THSD7B: variants seen among roughly 807,000 people sequenced by gnomAD.
The protein encoded by THSD7B is thrombospondin type 1 domain containing 7B.
THSD7B carries 138 observed loss-of-function variants against 213.6 expected under a neutral mutation model. The observed-to-expected ratio is 0.65, with a 90% CI of 0.56 to 0.74. The LOEUF (loss-of-function observed/expected upper bound fraction) is 0.74. Among genes scored for constraint, THSD7B ranks in the 30% least tolerant of loss-of-function variants. The probability of loss-of-function intolerance (pLI) is 0.00; values close to 1 mark genes in which losing one functional copy is unlikely to be tolerated. For missense variants in THSD7B, 1,931 were observed against 1,991.5 expected (o/e 0.97, Z 0.58); for synonymous variants, 742 against 687.0 (o/e 1.08, Z -1.25).
At chr2:137,393,825 G>T (rs1686105451) in intron 12 of THSD7B, among the ~76,000 whole-genome samples, 1 of 141,364 alleles carries the variant, frequency 7.1e-6, no homozygotes, top group Non-Finnish European at 1.6e-5. Flanking sequence ...AGCACCTGTT[G>T]TTTCCTGACT....
chr2:137,237,030 G>C (rs564897980), intron 9 of THSD7B, among the ~76,000 whole-genome samples: 3 of 148,502 alleles, frequency 2.0e-5, no homozygotes, highest in East Asian at 4.1e-4. Flanking sequence ...AGAATCCCTT[G>C]AACCTGGGAG....
At chr2:137,075,642 T>A (rs112443052) in intron 3 of THSD7B, among the ~76,000 whole-genome samples, 14,533 of 152,266 alleles carry the variant, frequency 0.095, 937 homozygotes, top group African/African-American at 0.18. Context: ...GCTGCGTTCC[T>A]TTGGAGCAGG....
intron 12 of THSD7B, among the ~76,000 whole-genome samples, chr2:137,354,194 A>G (rs988171039): frequency 6.6e-6 from 1 of 152,076 alleles, no homozygotes; most frequent in Non-Finnish European, 1.5e-5. Context: ...TAGCTTCTTA[A>G]GGGCTACAGT....
At chr2:137,316,966 C>T (rs1476931060) in intron 12 of THSD7B, among the ~76,000 whole-genome samples, 1 of 152,102 alleles carries the variant, frequency 6.6e-6, no homozygotes, top group Admixed American at 6.5e-5. Flanking sequence ...CTGACATAAT[C>T]TGTATTTCAA....
intron 4 of THSD7B, among the ~76,000 whole-genome samples, chr2:137,100,135 T>C (rs751157316): frequency 6.6e-6 from 1 of 152,032 alleles, no homozygotes; most frequent in Non-Finnish European, 1.5e-5. Flanking sequence ...ACCCTGGGTA[T>C]TAGTTGATGA....
chr2:137,156,951 G>A (rs1679922440), intron 5 of THSD7B, among the ~76,000 whole-genome samples: 1 of 152,122 alleles, frequency 6.6e-6, no homozygotes, highest in Non-Finnish European at 1.5e-5. Flanking sequence ...GTCATGGCAA[G>A]GAAAAGAGGG....
intron 1 of THSD7B, among the ~76,000 whole-genome samples, chr2:136,813,241 G>A (rs1311487771): frequency 1.3e-5 from 2 of 152,114 alleles, no homozygotes; most frequent in Non-Finnish European, 2.9e-5. Flanking sequence ...TGACCTATGT[G>A]TCAAACAGTC....
intron 12 of THSD7B, among the ~76,000 whole-genome samples, chr2:137,283,747 G>A (rs1165880244): frequency 1.3e-5 from 2 of 152,114 alleles, no homozygotes; most frequent in African/African-American, 2.4e-5. Flanking sequence ...CAGGAATGAA[G>A]CCCACTTGAT....
chr2:137,556,382 A>G (rs1680967881), intron 15 of THSD7B, among the ~76,000 whole-genome samples: 1 of 152,178 alleles, frequency 6.6e-6, no homozygotes. Context: ...AGTGGGGGCC[A>G]ATATTCAACA....
intron 2 of THSD7B, among the ~76,000 whole-genome samples, chr2:136,990,610 A>T (rs1158021254): frequency 6.6e-6 from 1 of 152,144 alleles, no homozygotes; most frequent in Non-Finnish European, 1.5e-5. Context: ...ATTACTCGTG[A>T]TGGAGGTGCT....
chr2:137,318,835 C>A (rs993931638), intron 12 of THSD7B, among the ~76,000 whole-genome samples: 2 of 106,726 alleles, frequency 1.9e-5, no homozygotes, highest in East Asian at 3.3e-4. Flanking sequence ...ACTCTTGTTG[C>A]CCAGGCTGGA....
intron 2 of THSD7B, among the ~76,000 whole-genome samples, chr2:137,016,337 T>C (rs1300118568): frequency 6.6e-6 from 1 of 152,206 alleles, no homozygotes; most frequent in Non-Finnish European, 1.5e-5. Flanking sequence ...AGAGCTTTGC[T>C]AACCTGATGT....
At chr2:137,204,033 G>T (rs1413256308) in intron 7 of THSD7B, among the ~76,000 whole-genome samples, 7 of 152,180 alleles carry the variant, frequency 4.6e-5, no homozygotes, top group Middle Eastern at 3.4e-3. Context: ...GTTTACAGCT[G>T]CTAGGAAATC....
At chr2:136,902,600 TA>T (rs1684081609) in intron 2 of THSD7B, among the ~76,000 whole-genome samples, 1 of 152,174 alleles carries the variant, frequency 6.6e-6, no homozygotes, top group Non-Finnish European at 1.5e-5. Flanking sequence ...GAGCCTGCCA[TA>T]AGGGAGTGGA....
chr2:137,270,856 T>C (rs1682717776), intron 10 of THSD7B, among the ~76,000 whole-genome samples: 1 of 152,162 alleles, frequency 6.6e-6, no homozygotes, highest in African/African-American at 2.4e-5. Context: ...CAATAGGTAA[T>C]GTCTGAAGTT....
chr2:136,992,858 G>T (rs140760289), intron 2 of THSD7B, among the ~76,000 whole-genome samples: 10 of 152,246 alleles, frequency 6.6e-5, no homozygotes, highest in African/African-American at 1.9e-4. Flanking sequence ...TGGGTCATCC[G>T]CAATGTCTGT....
chr2:137,593,237 A>G (rs1288618797), intron 17 of THSD7B, among the ~76,000 whole-genome samples: 1 of 151,998 alleles, frequency 6.6e-6, no homozygotes, highest in South Asian at 2.1e-4. Flanking sequence ...ACCGTTCTGT[A>G]AAAGGTATTT....
chr2:137,072,468 TG>T (rs1687513728), intron 3 of THSD7B, among the ~76,000 whole-genome samples: 1 of 152,198 alleles, frequency 6.6e-6, no homozygotes, highest in African/African-American at 2.4e-5. Flanking sequence ...CCTGAGACTT[TG>T]CTGAAGTTGC....
At chr2:136,829,933 C>T (rs1006923592) in intron 1 of THSD7B, among the ~76,000 whole-genome samples, 4 of 151,900 alleles carry the variant, frequency 2.6e-5, no homozygotes. Flanking sequence ...CTCTTTTTAT[C>T]TTTTTTATAT....
Sources: allele counts gnomAD v4.1 joint callset (sites outside exome capture counted in the v4.1 genomes callset), GRCh38; gene constraint gnomAD v4.1.1; transcripts MANE v1.5; gene names NCBI Gene and HGNC (gene_info 2026-07-23, HGNC 2026-07-21).